Variants in PELI1 observed in about 807,000 individuals in gnomAD.
The protein encoded by PELI1 is E3 ubiquitin-protein ligase pellino homolog 1.
PELI1 carries 15 observed loss-of-function variants against 41.3 expected under a neutral mutation model. That is an observed-to-expected ratio of 0.36 (90% CI 0.24 to 0.56). The LOEUF is 0.56. Ranked by LOEUF, PELI1 falls within the 20% of genes least tolerant of loss-of-function variation. PELI1 has a pLI of 0.82. For missense variants in PELI1, 403 were observed against 525.5 expected, an observed-to-expected ratio of 0.77 and a Z score of 2.28; for synonymous variants, 178 against 180.1, an observed-to-expected ratio of 0.99 and a Z score of 0.09.
intron 1 of PELI1, among the ~76,000 whole-genome samples, chr2:64,132,134 T>C (rs1298785770): frequency 6.6e-6 from 1 of 152,144 alleles, no homozygotes; most frequent in African/African-American, 2.4e-5. Flanking sequence ...AGGATGCCAG[T>C]AGAAATAATA....
intron 3 of PELI1, among the ~76,000 whole-genome samples, chr2:64,101,782 A>G (rs2103674911): frequency 6.6e-6 from 1 of 150,906 alleles, no homozygotes; most frequent in South Asian, 2.1e-4. Flanking sequence ...TATACTAACG[A>G]CTCAGCTTTA....
intron 1 of PELI1, among the ~76,000 whole-genome samples, chr2:64,128,514 C>G (rs1222697728): frequency 6.6e-6 from 1 of 152,088 alleles, no homozygotes; most frequent in African/African-American, 2.4e-5. Context: ...ACATCCCACC[C>G]CCAAAGCAGA....
At position 64,095,060 on chromosome 2, in the gene PELI1, A is replaced by G; in HGVS notation, c.899T>C (p.Val300Ala). ...AFPSMKRKDV[V>A]DEKQPWVYLN... ...ATATACCCATGGTTGTTTTTCATCT[A>G]CAACGTCTTTCCTCTTCATACTAGG... Residue 300 changes from valine (V) to alanine (A), a missense_variant, in exon 7 of 7, where the codon GTA becomes GCA. Coordinates refer to ENST00000358912, the MANE Select transcript of PELI1 (RefSeq NM_020651.4). 1 of 1,614,172 alleles carries G rather than the reference A, an allele frequency of 6.2e-7. No individual in the cohort carries two copies. Among genetic ancestry groups the G allele is most frequent in the Non-Finnish European group, 8.5e-7 (1 of 1,179,986 alleles).
chr2:64,099,409 G>A (rs149263574), intron 4 of PELI1, among the ~76,000 whole-genome samples: 121 of 152,020 alleles, frequency 8.0e-4, no homozygotes, highest in Middle Eastern at 3.4e-3. Flanking sequence ...CTTTGTGTTC[G>A]GTTTTTCTTG....
At chr2:64,127,532 A>G (rs144119868) in intron 1 of PELI1, among the ~76,000 whole-genome samples, 51 of 152,300 alleles carry the variant, frequency 3.3e-4, no homozygotes, top group Admixed American at 9.2e-4. Flanking sequence ...TCCTCACACT[A>G]TCAGGGAGAA....
Position 64,095,026 on chromosome 2 carries a change from G to T in PELI1, c.933C>A (p.Cys311Ter). 6.2e-7 allele frequency: 1 copy of T among 1,613,946 alleles called. No homozygotes were observed. Among genetic ancestry groups the T allele is most frequent in the Non-Finnish European group, 8.5e-7 (1 of 1,179,832 alleles). The change falls in exon 7 of 7, where the codon TGC (cysteine) becomes TGA (stop). Residue 311 changes from cysteine (C) to a stop codon, truncating the protein, a stop_gained. Coordinates refer to ENST00000358912, the MANE Select transcript of PELI1 (RefSeq NM_020651.4). LOFTEE classifies it high-confidence loss of function. ...AGTTATGATAGCCATGTACATGGCCGCAGTTTAGATATACCCATGGTTGTT... is the reference window on the plus strand; with the variant it reads ...AGTTATGATAGCCATGTACATGGCCTCAGTTTAGATATACCCATGGTTGTT... ...DEKQPWVYLN[C>*]GHVHGYHNWG...
At chr2:64,130,860 C>T (rs1365204054) in intron 1 of PELI1, among the ~76,000 whole-genome samples, 1 of 152,164 alleles carries the variant, frequency 6.6e-6, no homozygotes, top group East Asian at 1.9e-4. Context: ...AAGAATCTAT[C>T]TAAATGATAT....
chr2:64,116,900 T>G (rs986904569), intron 1 of PELI1, among the ~76,000 whole-genome samples: 1 of 152,204 alleles, frequency 6.6e-6, no homozygotes, highest in African/African-American at 2.4e-5. Flanking sequence ...TCACAATATT[T>G]CAAACTTTTT....
chr2:64,142,156 T>C (rs1343141496), intron 1 of PELI1, among the ~76,000 whole-genome samples: 1 of 152,210 alleles, frequency 6.6e-6, no homozygotes, highest in African/African-American at 2.4e-5. Flanking sequence ...AACCTGTACA[T>C]TCACTACATG....
At chr2:64,102,414 T>G in intron 3 of PELI1, among the ~76,000 whole-genome samples, 1 of 152,082 alleles carries the variant, frequency 6.6e-6, no homozygotes, top group East Asian at 1.9e-4. Flanking sequence ...GAGGCTGAAG[T>G]GCAGTGGCTA....
intron 1 of PELI1, among the ~76,000 whole-genome samples, chr2:64,112,166 T>C (rs148722551): frequency 6.6e-6 from 1 of 152,260 alleles, no homozygotes; most frequent in East Asian, 1.9e-4. Context: ...TGCACAGATA[T>C]GGCAAACATC....
At position 64,096,286 on chromosome 2, in the gene PELI1, C is replaced by G; in HGVS notation, c.529G>C (p.Asp177His). Residue 177 changes from aspartate to histidine, a missense_variant, in exon 6 of 7, where the codon GAT (aspartate) becomes CAT (histidine). Physicochemically the swap from Asp to His is moderately conservative, Grantham distance 81 (BLOSUM62 -1). Coordinates refer to ENST00000358912, the MANE Select transcript of PELI1 (RefSeq NM_020651.4). ...GEKAAKWKTS[D>H]GQMDGLTTNG... ...GTGGTCAAGCCATCCATCTGTCCAT[C>G]TGATGTCTTCCATTTGGCAGCCTTC... is the stretch of plus-strand genomic sequence containing the variant. The G allele has an allele frequency of 6.2e-7, 1 of 1,614,092 alleles. No individual in the cohort carries two copies. The highest frequency in any genetic ancestry group is 8.5e-7 in the Non-Finnish European group (1 of 1,179,942).
At chr2:64,143,518 A>C (rs1300219509) in intron 1 of PELI1, 1 of 152,140 alleles carries the variant, frequency 6.6e-6, no homozygotes, top group Non-Finnish European at 1.5e-5. Context: ...GGGCGTATTA[A>C]CTTGTTTCCT....
At chr2:64,103,005 CTAATTTTTT>C (rs1177284188) in intron 3 of PELI1, among the ~76,000 whole-genome samples, 1 of 151,864 alleles carries the variant, frequency 6.6e-6, no homozygotes, top group Non-Finnish European at 1.5e-5. Flanking sequence ...CCACGCTTGG[CTAATTTTTT>C]GTATTTTTGG....
At chr2:64,130,050 G>A (rs1451746159) in intron 1 of PELI1, among the ~76,000 whole-genome samples, 1 of 152,160 alleles carries the variant, frequency 6.6e-6, no homozygotes, top group Non-Finnish European at 1.5e-5. Flanking sequence ...GTCCCAATAA[G>A]CTATGTGACT....
At chr2:64,133,025 CTT>C (rs1202766629) in intron 1 of PELI1, among the ~76,000 whole-genome samples, 2 of 152,164 alleles carry the variant, frequency 1.3e-5, no homozygotes, top group Admixed American at 1.3e-4. Flanking sequence ...ACTCAGGCCT[CTT>C]TATTTCTTGG....
At chr2:64,103,158 T>G (rs577485061) in intron 3 of PELI1, among the ~76,000 whole-genome samples, 1 of 152,188 alleles carries the variant, frequency 6.6e-6, no homozygotes, top group Non-Finnish European at 1.5e-5. Flanking sequence ...CAATCTGTGA[T>G]CCCTAAGATT....
chr2:64,134,475 T>C (rs1235615296), intron 1 of PELI1, among the ~76,000 whole-genome samples: 1 of 152,124 alleles, frequency 6.6e-6, no homozygotes, highest in African/African-American at 2.4e-5. Flanking sequence ...AAGCAGTAAG[T>C]ATATTTAAAA....
chr2:64,119,513 T>C (rs1444998542), intron 1 of PELI1, among the ~76,000 whole-genome samples: 1 of 152,248 alleles, frequency 6.6e-6, no homozygotes, highest in Non-Finnish European at 1.5e-5. Context: ...TTCACAGTTC[T>C]TTCACTTAAG....
Sources: allele counts gnomAD v4.1 joint callset (sites outside exome capture counted in the v4.1 genomes callset), GRCh38; gene constraint gnomAD v4.1.1; transcripts MANE v1.5; gene names NCBI Gene and HGNC (gene_info 2026-07-23, HGNC 2026-07-21).